C16orf96: variants seen among roughly 807,000 people sequenced by gnomAD.
The protein encoded by C16orf96 is chromosome 16 open reading frame 96.
A neutral mutation model predicts 103.6 loss-of-function variants in C16orf96; 108 were observed. That is an observed-to-expected ratio of 1.04 (90% confidence interval 0.89 to 1.22). The LOEUF is 1.22. Ranked by LOEUF, C16orf96 falls within the 50% of genes most tolerant of loss-of-function variation. The pLI is 0.00. For missense variants in C16orf96, 1,586 were observed against 1,464.2 expected (o/e 1.08, Z -1.36); for synonymous variants, 566 against 593.5 (o/e 0.95, Z 0.67).
Position 4,593,316 on chromosome 16 carries a change from G to C in C16orf96, c.2867G>C (p.Arg956Thr). The C allele has an allele frequency of 6.4e-7, 1 of 1,550,472 alleles. No homozygotes were observed. The highest frequency in any genetic ancestry group is 8.7e-7 in the Non-Finnish European group (1 of 1,146,756). The part of the protein sequence containing the change: ...SCEYLQRQQM[R>T]EQQWLQLQDL... The stretch of plus-strand genomic sequence containing the variant: ...GAGTACTTGCAGCGGCAACAGATGA[G>C]GTGAGCAGGATGGGCGCCCCGCAGG... The change falls in exon 12 of 16, where the codon AGG (arginine) becomes ACG (threonine). Residue 956 changes from arginine (R) to threonine (T), a missense_variant and splice_region_variant. Transcript: ENST00000444310. This position sits in a 1 kb window ranked among gnomAD's most constrained non-coding sequence, Gnocchi z 4.2.
chr16:4,576,737 C>T, intron 5 of C16orf96, 102 bp downstream of exon 5: 1 of 1,137,476 alleles, frequency 8.8e-7, no homozygotes, highest in Non-Finnish European at 1.2e-6. Flanking sequence ...CCAACAAAAT[C>T]TGCATTCCAC....
At chr16:4,567,512 T>A (rs542157021) in intron 1 of C16orf96, among the ~76,000 whole-genome samples, 1 of 151,558 alleles carries the variant, frequency 6.6e-6, no homozygotes, top group East Asian at 1.9e-4. Flanking sequence ...GGTTTTGATC[T>A]GACCTCATCA....
In C16orf96 at chr16:4,594,483, G is replaced by A. The variant is rs918004795; in HGVS notation, c.3000G>A (p.Gly1000=). ...SCNLLTLYPY[G]DPHVIDYDSA... Reference sequence around the variant, plus strand: ...ACCTGTTGACGCTCTATCCCTACGGGGATCCCCACGTGATCGACTATGACA... The same window carrying A: ...ACCTGTTGACGCTCTATCCCTACGGAGATCCCCACGTGATCGACTATGACA... Residue 1000 remains glycine (G), a synonymous_variant, in exon 13 of 16, where the codon GGG becomes GGA. Coordinates refer to ENST00000444310, the MANE Select transcript of C16orf96 (RefSeq NM_001145011.2). The A allele has an allele frequency of 1.9e-6, 3 of 1,551,284 alleles. No individual in the cohort carries two copies. Among genetic ancestry groups the A allele is most frequent in the Admixed American group, 2.0e-5 (1 of 50,992 alleles).
chr16:4,572,490 A>G (rs2141714194), intron 2 of C16orf96, among the ~76,000 whole-genome samples: 2 of 151,504 alleles, frequency 1.3e-5, no homozygotes, highest in East Asian at 3.9e-4. Flanking sequence ...TTTAGTAGAG[A>G]TGGGGTTTCA....
In C16orf96 at chr16:4,578,971, A is replaced by G; in HGVS notation, c.2187A>G (p.Thr729=). The change falls in exon 6 of 16, where the codon ACA becomes ACG. Residue 729 remains threonine (T), a synonymous_variant. Transcript: ENST00000444310. The stretch of plus-strand genomic sequence containing the variant: ...TGGGAGGTCCTTCCAGCCTCGGGAC[A>G]ACAGTGGACATATTGCAGAAAAAGA... ...ANMGGPSSLG[T]TVDILQKKIG... 6.4e-7 allele frequency: 1 copy of G among 1,551,456 alleles called. No individual in the cohort carries two copies. The highest frequency in any genetic ancestry group is 8.7e-7 in the Non-Finnish European group (1 of 1,146,924).
At chr16:4,586,956 A>G in intron 7 of C16orf96, 83 bp from the exon 8 acceptor site, 2 of 1,260,018 alleles carry the variant, frequency 1.6e-6, no homozygotes, top group East Asian at 2.6e-5. Context: ...TCCCCAGCAT[A>G]TGGTAATGGT....
intron 14 of C16orf96, among the ~76,000 whole-genome samples, 183 bp downstream of exon 14, chr16:4,594,986 G>C (rs756468467): frequency 6.6e-6 from 1 of 152,210 alleles, no homozygotes; most frequent in Non-Finnish European, 1.5e-5. Context: ...CAATGGGGGA[G>C]GGAGACCGCG....
chr16:4,568,089 G>C (rs558362660), intron 1 of C16orf96, among the ~76,000 whole-genome samples: 1 of 152,176 alleles, frequency 6.6e-6, no homozygotes, highest in South Asian at 2.1e-4. Flanking sequence ...TTGAATTATA[G>C]AGACGGGAGC....
At chr16:4,539,370 C>T in the C16orf96 span, among the ~76,000 whole-genome samples, 8 of 152,168 alleles carry the variant, frequency 5.3e-5, no homozygotes, top group Non-Finnish European at 8.8e-5. Flanking sequence ...AAGAGTAACA[C>T]GTTAGCTACA....
chr16:4,544,949 C>T, the C16orf96 span, among the ~76,000 whole-genome samples: 1 of 152,178 alleles, frequency 6.6e-6, no homozygotes, highest in Non-Finnish European at 1.5e-5. Flanking sequence ...CCAGCAGTCC[C>T]ACTCCTAGGA....
chr16:4,556,377 C>CT lies in C16orf96; in HGVS notation c.-113_-112insT, dbSNP rs1433458274. ...ATTCCTCCCTGACTGCTGTGACTCACCACCACCCCAGGCCTCTGAGGACCA... is the reference window on the plus strand; with the variant it reads ...ATTCCTCCCTGACTGCTGTGACTCACTCACCACCCCAGGCCTCTGAGGACCA... On this transcript the variant is annotated 5_prime_UTR_variant, in exon 1 of 16. Coordinates refer to ENST00000444310, the MANE Select transcript of C16orf96 (RefSeq NM_001145011.2). The CT allele has an allele frequency of 1.8e-6, 2 of 1,136,122 alleles. No homozygotes were observed. The highest frequency in any genetic ancestry group is 5.8e-5 in the Admixed American group (2 of 34,724). 70.4% of individuals were successfully genotyped at this position (1,136,122 alleles called of 1,614,324 possible).
chr16:4,585,692 C>G (rs1896909922), intron 7 of C16orf96, among the ~76,000 whole-genome samples: 1 of 152,120 alleles, frequency 6.6e-6, no homozygotes, highest in Non-Finnish European at 1.5e-5. Flanking sequence ...GGCGGGAATT[C>G]TGAAATCAAG....
the C16orf96 span, among the ~76,000 whole-genome samples, chr16:4,543,498 T>A: frequency 3.9e-5 from 6 of 152,066 alleles, no homozygotes; most frequent in African/African-American, 9.7e-5. Context: ...TTAATTAATT[T>A]ATATTAAAAT....
the C16orf96 span, among the ~76,000 whole-genome samples, chr16:4,540,787 A>C: frequency 6.6e-6 from 1 of 151,858 alleles, no homozygotes; most frequent in Admixed American, 6.6e-5. Context: ...TTGATCAGGC[A>C]CCCAGGCTGG....
chr16:4,556,962 T>G, intron 1 of C16orf96, 53 bp downstream of exon 1: 2 of 1,461,382 alleles, frequency 1.4e-6, no homozygotes, highest in African/African-American at 1.4e-5. Context: ...ACTGGCTCTC[T>G]CCTGGGACGT....
At chr16:4,569,195 C>T (rs1207898937) in intron 1 of C16orf96, among the ~76,000 whole-genome samples, 1 of 151,464 alleles carries the variant, frequency 6.6e-6, no homozygotes, top group Non-Finnish European at 1.5e-5. Context: ...GTCTCAAACT[C>T]CTGAACTTCA....
rs546348818 is a variant in C16orf96, at chr16:4,576,314, G to T, written c.1834G>T (p.Ala612Ser). ...TKMAAIATDT[A>S]AAGPLGVFAD... ...AATGGCCGCCATTGCAACAGACACG[G>T]CTGCAGCTGGGCCCCTAGGGGTCTT... Residue 612 changes from alanine to serine, a missense_variant, in exon 5 of 16, where the codon GCT becomes TCT. Transcript: ENST00000444310. The T allele has an allele frequency of 1.1e-4, 172 of 1,550,784 alleles. 3 individuals carry two copies. In the South Asian group the frequency reaches 2.0e-3, roughly 18 times the overall value.
At chr16:4,592,806 G>C (rs1054185756) in intron 11 of C16orf96, among the ~76,000 whole-genome samples, 2 of 152,146 alleles carry the variant, frequency 1.3e-5, no homozygotes, top group Admixed American at 1.3e-4. Context: ...CGAGGCTGTA[G>C]TGAGCTAGGA....
In C16orf96 at chr16:4,593,349, C is replaced by T. The variant is rs1897103528; in HGVS notation, c.2867+33C>T. ...GGATGGGCGCCCCGCAGGGAGGCCGCCCCGCATGGAGGCCACTCTGGAGCC... is the reference window on the plus strand; with the variant it reads ...GGATGGGCGCCCCGCAGGGAGGCCGTCCCGCATGGAGGCCACTCTGGAGCC... On this transcript the variant is annotated intron_variant, in intron 12 of 15. Coordinates refer to ENST00000444310, the MANE Select transcript of C16orf96 (RefSeq NM_001145011.2). This position sits in a 1 kb window ranked among gnomAD's most constrained non-coding sequence, Gnocchi z 4.2. 1 of 1,534,024 alleles carries T rather than the reference C, an allele frequency of 6.5e-7. No individual in the cohort carries two copies. The highest frequency in any genetic ancestry group is 2.5e-5 in the East Asian group (1 of 40,754).
Sources: allele counts gnomAD v4.1 joint callset (sites outside exome capture counted in the v4.1 genomes callset), GRCh38; gene constraint gnomAD v4.1.1; non-coding constraint Gnocchi (gnomAD v3.1); transcripts MANE v1.5; gene names NCBI Gene and HGNC (gene_info 2026-07-23, HGNC 2026-07-21).